LRRC4C: variants seen among roughly 807,000 people sequenced by gnomAD.
LRRC4C encodes leucine-rich repeat-containing protein 4C.
LRRC4C carries 5 observed loss-of-function variants against 33.6 expected under a neutral mutation model. That is an observed-to-expected ratio of 0.15 (90% CI 0.08 to 0.31). LRRC4C has a LOEUF of 0.31. LRRC4C is among the 10% of genes least tolerant of loss of function. LRRC4C has a pLI of 1.00. For missense variants in LRRC4C, 560 were observed against 796.7 expected, an observed-to-expected ratio of 0.70 and a Z score of 3.58; for synonymous variants, 329 against 302.0, an observed-to-expected ratio of 1.09 and a Z score of -0.93.
At chr11:41,398,807 T>C (rs929504366) in intron 1 of LRRC4C, among the ~76,000 whole-genome samples, 5 of 151,928 alleles carry the variant, frequency 3.3e-5, no homozygotes, top group Admixed American at 6.6e-5. Flanking sequence ...TATCAAGCTG[T>C]AAATTATTAA....
intron 2 of LRRC4C, among the ~76,000 whole-genome samples, chr11:40,908,506 T>C (rs905239827): frequency 1.3e-5 from 2 of 151,894 alleles, no homozygotes; most frequent in African/African-American, 4.8e-5. Context: ...AATAAATAAA[T>C]GAAAGAAACA....
chr11:41,073,553 C>A (rs916526846), intron 1 of LRRC4C, among the ~76,000 whole-genome samples: 2 of 152,152 alleles, frequency 1.3e-5, no homozygotes, highest in Non-Finnish European at 2.9e-5. Flanking sequence ...ACACGGCTAA[C>A]CCATGTTAGA....
chr11:40,872,589 C>A (rs1954706318), intron 2 of LRRC4C, among the ~76,000 whole-genome samples: 1 of 151,938 alleles, frequency 6.6e-6, no homozygotes, highest in Admixed American at 6.6e-5. Flanking sequence ...TGCTGTTTAC[C>A]TATATCTTTC....
intron 1 of LRRC4C, among the ~76,000 whole-genome samples, chr11:41,043,268 C>T (rs1857560445): frequency 6.6e-6 from 1 of 152,050 alleles, no homozygotes; most frequent in Middle Eastern, 3.4e-3. Context: ...CCCCTTGGCT[C>T]TTGCACTTTA....
chr11:40,782,977 C>T (rs116349853), intron 2 of LRRC4C, among the ~76,000 whole-genome samples: 3,274 of 152,086 alleles, frequency 0.022, 117 homozygotes, highest in African/African-American at 0.074. Context: ...TTTTGACCAC[C>T]ACTTGGCTAG....
At chr11:40,830,461 C>T (rs1952363187) in intron 2 of LRRC4C, among the ~76,000 whole-genome samples, 1 of 151,980 alleles carries the variant, frequency 6.6e-6, no homozygotes, top group Non-Finnish European at 1.5e-5. Context: ...GAGAAATTGC[C>T]CTTACACTGA....
At position 40,115,167 on chromosome 11, in the gene LRRC4C, G is replaced by A. The variant is rs749582918; in HGVS notation, c.1126C>T (p.Arg376Trp). 5.6e-6 allele frequency: 9 copies of A among 1,614,030 alleles called. No homozygotes were observed. The highest frequency in any genetic ancestry group is 2.2e-5 in the South Asian group (2 of 91,082). The change falls in exon 7 of 7, where the codon CGG (arginine) becomes TGG (tryptophan). Residue 376 changes from arginine (R) to tryptophan (W), a missense_variant. This residue lies in a region of LRRC4C where 455 missense variants were observed against 643.8 expected (regional missense o/e 0.71). Transcript: ENST00000528697. The surrounding 1 kb of genome is among the most constrained non-coding windows in gnomAD (Gnocchi z 6.7). Reference sequence around the variant, plus strand: ...ACAGATGTCAGGGATGTGGAGGCCCGACATTTCAGCTCAGCTGCCATGCCT... The same window carrying A: ...ACAGATGTCAGGGATGTGGAGGCCCAACATTTCAGCTCAGCTGCCATGCCT... ...TEGMAAELKC[R>W]ASTSLTSVSW...
intron 3 of LRRC4C, among the ~76,000 whole-genome samples, chr11:40,357,913 A>T (rs1947746619): frequency 6.6e-6 from 1 of 152,156 alleles, no homozygotes. Context: ...GGCCAGGCAC[A>T]GTGGCTCACA....
chr11:40,796,659 T>A (rs910043791), intron 2 of LRRC4C, among the ~76,000 whole-genome samples: 35 of 125,624 alleles, frequency 2.8e-4, no homozygotes, highest in Non-Finnish European at 4.5e-4. Context: ...TTTTTTTTTT[T>A]ATTTTGAGAC....
chr11:40,220,877 GTT>G (rs5791363), intron 5 of LRRC4C, among the ~76,000 whole-genome samples: 83 of 141,590 alleles, frequency 5.9e-4, no homozygotes, highest in South Asian at 3.1e-3. Flanking sequence ...TGTGTTTTTG[GTT>G]TTTTTTTTTT....
chr11:41,433,667 C>T (rs977237034), intron 1 of LRRC4C, among the ~76,000 whole-genome samples: 8 of 152,054 alleles, frequency 5.3e-5, no homozygotes, highest in Non-Finnish European at 1.0e-4. Context: ...CTAGATGTTT[C>T]CTGCCCTCAA....
intron 1 of LRRC4C, among the ~76,000 whole-genome samples, chr11:41,150,277 T>C (rs1335374914): frequency 1.3e-5 from 2 of 152,212 alleles, no homozygotes; most frequent in African/African-American, 4.8e-5. Flanking sequence ...GAATGCCTAC[T>C]TAAACTTCAG....
At chr11:40,467,397 A>G (rs1025227859) in intron 3 of LRRC4C, among the ~76,000 whole-genome samples, 2 of 152,184 alleles carry the variant, frequency 1.3e-5, no homozygotes, top group Admixed American at 1.3e-4. Flanking sequence ...AAATTGTGCC[A>G]TATGCATGAT....
intron 3 of LRRC4C, among the ~76,000 whole-genome samples, chr11:40,647,747 C>G (rs945157920): frequency 2.0e-5 from 3 of 152,136 alleles, no homozygotes; most frequent in African/African-American, 7.2e-5. Flanking sequence ...AGAAAAGGAG[C>G]TGGGGCATCA....
At chr11:40,855,921 T>C (rs1953756153) in intron 2 of LRRC4C, among the ~76,000 whole-genome samples, 1 of 151,816 alleles carries the variant, frequency 6.6e-6, no homozygotes, top group Admixed American at 6.6e-5. Context: ...TTTATTATAC[T>C]ATATTTTATG....
chr11:41,367,457 A>T (rs1952585829), intron 1 of LRRC4C, among the ~76,000 whole-genome samples: 1 of 152,086 alleles, frequency 6.6e-6, no homozygotes, highest in Non-Finnish European at 1.5e-5. Flanking sequence ...ATCAAACAAC[A>T]CTTGGGGATA....
chr11:41,055,122 TTATCATTA>T (rs1858525195), intron 1 of LRRC4C, among the ~76,000 whole-genome samples: 1 of 152,134 alleles, frequency 6.6e-6, no homozygotes, highest in Non-Finnish European at 1.5e-5. Flanking sequence ...TCCTCAGAGG[TTATCATTA>T]TCCTGACTTA....
At chr11:40,640,923 G>A (rs1048951598) in intron 3 of LRRC4C, among the ~76,000 whole-genome samples, 3 of 147,790 alleles carry the variant, frequency 2.0e-5, no homozygotes, top group African/African-American at 7.4e-5. Context: ...GGCTGAGGCA[G>A]AAGAATGGCG....
chr11:40,748,856 T>G (rs1565009965), intron 2 of LRRC4C, among the ~76,000 whole-genome samples: 1 of 151,982 alleles, frequency 6.6e-6, no homozygotes, highest in Admixed American at 6.6e-5. Context: ...AAACCAGACA[T>G]TAAGTAAAAA....
Sources: allele counts gnomAD v4.1 joint callset (sites outside exome capture counted in the v4.1 genomes callset), GRCh38; gene constraint gnomAD v4.1.1; regional missense constraint gnomAD v4.1.1; non-coding constraint Gnocchi (gnomAD v3.1); transcripts MANE v1.5; gene names NCBI Gene and HGNC (gene_info 2026-07-23, HGNC 2026-07-21).